NKAIN2: variants seen among roughly 807,000 people sequenced by gnomAD.
NKAIN2 encodes sodium/potassium transporting ATPase interacting 2.
Under a neutral mutation model 32.6 loss-of-function variants are expected in NKAIN2, and 14 were observed. That is an observed-to-expected ratio of 0.43 (90% CI 0.28 to 0.67). The LOEUF (loss-of-function observed/expected upper bound fraction) is 0.67. NKAIN2 is among the 30% of genes least tolerant of loss of function. NKAIN2 has a pLI of 0.17. For missense variants in NKAIN2, 198 were observed against 258.3 expected, an observed-to-expected ratio of 0.77 and a Z score of 1.60; for synonymous variants, 80 against 87.2, an observed-to-expected ratio of 0.92 and a Z score of 0.46.
intron 3 of NKAIN2, among the ~76,000 whole-genome samples, chr6:124,558,686 G>A (rs1257014136): frequency 6.6e-6 from 1 of 152,186 alleles, no homozygotes; most frequent in East Asian, 1.9e-4. Flanking sequence ...GGTGGCTCAA[G>A]CCCGTAATCC....
chr6:124,743,566 G>A (rs1027682266), intron 4 of NKAIN2, among the ~76,000 whole-genome samples: 1 of 151,796 alleles, frequency 6.6e-6, no homozygotes, highest in Non-Finnish European at 1.5e-5. Flanking sequence ...CTGGAAATGT[G>A]GAAACCTTAA....
At chr6:124,710,063 TA>T (rs1331298087) in intron 4 of NKAIN2, among the ~76,000 whole-genome samples, 2 of 152,078 alleles carry the variant, frequency 1.3e-5, no homozygotes, top group African/African-American at 4.8e-5. Flanking sequence ...AGAACATCTT[TA>T]TTTCTGCCTT....
At chr6:124,592,801 C>T (rs1404913155) in intron 3 of NKAIN2, among the ~76,000 whole-genome samples, 2 of 152,120 alleles carry the variant, frequency 1.3e-5, no homozygotes, top group African/African-American at 4.8e-5. Flanking sequence ...GTTTTCTTGC[C>T]TATAAAATAG....
chr6:124,342,375 C>A (rs1366204951), intron 2 of NKAIN2, among the ~76,000 whole-genome samples: 1 of 147,394 alleles, frequency 6.8e-6, no homozygotes, highest in African/African-American at 2.6e-5. Context: ...CCCCACTGCA[C>A]TCCAGTCTGG....
intron 1 of NKAIN2, among the ~76,000 whole-genome samples, chr6:124,171,520 A>G (rs1022821569): frequency 6.1e-5 from 9 of 148,722 alleles, no homozygotes; most frequent in African/African-American, 9.9e-5. Flanking sequence ...AAACAATGTT[A>G]AGTTTTCGTA....
At chr6:124,174,507 T>G (rs1789059858) in intron 1 of NKAIN2, among the ~76,000 whole-genome samples, 1 of 152,064 alleles carries the variant, frequency 6.6e-6, no homozygotes. Context: ...AAAGCTTATT[T>G]CTTGTTAAAT....
intron 2 of NKAIN2, among the ~76,000 whole-genome samples, chr6:124,344,964 T>C (rs1583086495): frequency 6.6e-6 from 1 of 152,340 alleles, no homozygotes; most frequent in East Asian, 1.9e-4. Context: ...ATATTGGCTG[T>C]GGTTTTGTCA....
At chr6:124,531,463 A>AT (rs553343273) in intron 3 of NKAIN2, among the ~76,000 whole-genome samples, 131 of 152,146 alleles carry the variant, frequency 8.6e-4, no homozygotes, top group African/African-American at 2.8e-3. Flanking sequence ...TTTTGTTGAG[A>AT]TTTTTTACAT....
intron 3 of NKAIN2, among the ~76,000 whole-genome samples, chr6:124,470,256 G>T (rs933872714): frequency 6.6e-6 from 1 of 152,124 alleles, no homozygotes; most frequent in Non-Finnish European, 1.5e-5. Context: ...GGAGAAGACT[G>T]CAGGAGCCTG....
chr6:124,821,844 A>C (rs1219706410), intron 6 of NKAIN2, among the ~76,000 whole-genome samples: 2 of 152,200 alleles, frequency 1.3e-5, no homozygotes, highest in African/African-American at 2.4e-5. Flanking sequence ...ATCCTAGAAC[A>C]GTAAGGTTTT....
At chr6:124,739,054 A>T (rs572509618) in intron 4 of NKAIN2, among the ~76,000 whole-genome samples, 6 of 150,940 alleles carry the variant, frequency 4.0e-5, no homozygotes, top group African/African-American at 9.7e-5. Flanking sequence ...CATAGGCATA[A>T]TGCACTTTTG....
chr6:124,230,085 TGATG>T lies in NKAIN2; in HGVS notation c.55-52918_55-52915del, dbSNP rs555733474. On this transcript the variant is annotated intron_variant, in intron 1 of 6. Coordinates refer to ENST00000368417, the MANE Select transcript of NKAIN2 (RefSeq NM_001040214.3). Reference sequence around the variant, plus strand: ...TATTGAATGGCTTTGACCCAAATGCTGATGGTATGGTCAATGAAATACAGTCTGA... The same window carrying T: ...TATTGAATGGCTTTGACCCAAATGCTGTATGGTCAATGAAATACAGTCTGA... Among the ~76,000 whole-genome samples, 149 of 152,230 alleles carry T rather than the reference TGATG, an allele frequency of 9.8e-4. No individual in the cohort carries two copies. In the Middle Eastern group the frequency reaches 0.01, roughly 10 times the overall value.
chr6:124,239,110 A>G (rs1215443013), intron 1 of NKAIN2, among the ~76,000 whole-genome samples: 1 of 152,198 alleles, frequency 6.6e-6, no homozygotes, highest in Non-Finnish European at 1.5e-5. Context: ...TTGCAATCCT[A>G]GTCTCTGATA....
chr6:124,808,660 A>T (rs1582561183), intron 5 of NKAIN2, among the ~76,000 whole-genome samples: 1 of 152,212 alleles, frequency 6.6e-6, no homozygotes, highest in African/African-American at 2.4e-5. Context: ...AAGGAAATAA[A>T]GGGTATTCAA....
At position 124,148,674 on chromosome 6, in the gene NKAIN2, A is replaced by G. The variant is rs114528848; in HGVS notation, c.55-134331A>G. Among the ~76,000 whole-genome samples, 615 of 152,252 alleles carry G rather than the reference A, an allele frequency of 4.0e-3. 6 individuals are homozygous for G. The highest frequency in any genetic ancestry group is 0.014 in the African/African-American group (590 of 41,546). On this transcript the variant is annotated intron_variant, in intron 1 of 6. Transcript: ENST00000368417. ...CTTTATTTCTTTTCATTATAGAACA[A>G]TATTTCCTTGTATGAATGTGCCATA...
intron 2 of NKAIN2, among the ~76,000 whole-genome samples, chr6:124,289,512 C>T (rs576240394): frequency 2.6e-4 from 40 of 152,132 alleles, no homozygotes; most frequent in Non-Finnish European, 5.1e-4. Context: ...AAGATTACGA[C>T]ACAGCAACTT....
intron 1 of NKAIN2, among the ~76,000 whole-genome samples, chr6:123,843,545 T>G (rs2114940068): frequency 6.6e-6 from 1 of 152,208 alleles, no homozygotes; most frequent in Admixed American, 6.5e-5. Context: ...AAAAGGTATC[T>G]TTTGGTCGGG....
chr6:124,207,643 A>G (rs567427266), intron 1 of NKAIN2, among the ~76,000 whole-genome samples: 47 of 151,930 alleles, frequency 3.1e-4, no homozygotes, highest in African/African-American at 1.1e-3. Context: ...TTTAGGAAAG[A>G]ATGAGTAAAT....
At chr6:124,429,644 G>A (rs1775128480) in intron 3 of NKAIN2, among the ~76,000 whole-genome samples, 1 of 152,180 alleles carries the variant, frequency 6.6e-6, no homozygotes, top group South Asian at 2.1e-4. Flanking sequence ...CTTGTGGAAT[G>A]AAGGACTGAA....
Sources: allele counts gnomAD v4.1 joint callset (sites outside exome capture counted in the v4.1 genomes callset), GRCh38; gene constraint gnomAD v4.1.1; transcripts MANE v1.5; gene names NCBI Gene and HGNC (gene_info 2026-07-23, HGNC 2026-07-21).